Variants in ANO4 observed in about 807,000 individuals in gnomAD.
ANO4 encodes the protein anoctamin 4.
In ANO4, 69 loss-of-function variants were observed where a neutral mutation model predicts 141.9. The ratio of observed to expected loss-of-function variants is 0.49; its 90% CI spans 0.40 to 0.59. The LOEUF is 0.59. Among genes scored for constraint, ANO4 ranks in the 20% least tolerant of loss-of-function variants. The pLI, the probability that ANO4 is intolerant of heterozygous loss-of-function variation, is 0.00. For synonymous variants in ANO4, 350 were observed against 394.3 expected, an observed-to-expected ratio of 0.89 and a Z score of 1.33; for missense variants, 894 against 1,162.2, an observed-to-expected ratio of 0.77 and a Z score of 3.36.
chr12:100,996,757 A>T (rs1300227341), intron 8 of ANO4, among the ~76,000 whole-genome samples: 1 of 152,148 alleles, frequency 6.6e-6, no homozygotes, highest in African/African-American at 2.4e-5. Flanking sequence ...ATTCTCTGAG[A>T]TTCTCTGTAA....
At chr12:100,812,206 T>C (rs2035483155) in intron 1 of ANO4, among the ~76,000 whole-genome samples, 1 of 152,202 alleles carries the variant, frequency 6.6e-6, no homozygotes, top group Non-Finnish European at 1.5e-5. Context: ...TAGAACTGGG[T>C]TTTGCATTTT....
rs549595074 is a variant in ANO4, at chr12:100,821,046, G to A, written c.-141+26019G>A. Among the ~76,000 whole-genome samples the A allele has an allele frequency of 5.9e-4, 89 of 152,118 alleles. 1 individual carries two copies. In the South Asian group the frequency reaches 0.017, roughly 30 times the overall value. On this transcript the variant is annotated intron_variant, in intron 1 of 27. Transcript: ENST00000392977. ...GGCCAGCACACTTTTGAATGAAACCGCTGATGGTTGTCGAAACTAAAGGGA... is the reference window on the plus strand; with the variant it reads ...GGCCAGCACACTTTTGAATGAAACCACTGATGGTTGTCGAAACTAAAGGGA...
intron 1 of ANO4, among the ~76,000 whole-genome samples, chr12:100,824,098 G>A (rs2036202926): frequency 6.6e-6 from 1 of 151,970 alleles, no homozygotes; most frequent in Non-Finnish European, 1.5e-5. Context: ...TAAAAATTAA[G>A]CCTGGGAGAT....
intron 7 of ANO4, among the ~76,000 whole-genome samples, chr12:100,986,886 A>T (rs979719724): frequency 2.0e-5 from 3 of 152,128 alleles, no homozygotes; most frequent in African/African-American, 7.2e-5. Context: ...CACTTTTAGG[A>T]TACTGTTGTT....
At chr12:101,056,526 A>G (rs1487779981) in intron 14 of ANO4, among the ~76,000 whole-genome samples, 1 of 152,160 alleles carries the variant, frequency 6.6e-6, no homozygotes, top group Admixed American at 6.5e-5. Context: ...TAGATGATTA[A>G]GAAATTTATA....
intron 3 of ANO4, among the ~76,000 whole-genome samples, chr12:100,776,794 C>T (rs191197926): frequency 6.6e-6 from 1 of 152,278 alleles, no homozygotes; most frequent in East Asian, 1.9e-4. Context: ...CAAAGACTTC[C>T]TTCTCTTTTG....
At chr12:101,076,783 C>G (rs1183498480) in intron 14 of ANO4, among the ~76,000 whole-genome samples, 1 of 152,162 alleles carries the variant, frequency 6.6e-6, no homozygotes, top group African/African-American at 2.4e-5. Flanking sequence ...CCACTTGTCT[C>G]TTCAAGAACA....
At chr12:101,111,413 C>A in intron 23 of ANO4, 150 bp from the exon 24 acceptor site, 1 of 693,622 alleles carries the variant, frequency 1.4e-6, no homozygotes, top group Non-Finnish European at 2.3e-6. Context: ...AAGTTGTTTG[C>A]ACAAATCTTT....
At chr12:101,058,305 A>G (rs917113261) in intron 14 of ANO4, among the ~76,000 whole-genome samples, 1 of 152,064 alleles carries the variant, frequency 6.6e-6, no homozygotes, top group African/African-American at 2.4e-5. Context: ...TGATGCCTCC[A>G]GCTTTGTTCT....
intron 3 of ANO4, among the ~76,000 whole-genome samples, chr12:100,768,880 T>C (rs1417768836): frequency 6.6e-6 from 1 of 152,216 alleles, no homozygotes; most frequent in Non-Finnish European, 1.5e-5. Context: ...ATCACAATTC[T>C]GTTTTTATAA....
intron 22 of ANO4, among the ~76,000 whole-genome samples, chr12:101,103,568 A>G (rs1401321828): frequency 6.6e-6 from 1 of 151,868 alleles, no homozygotes; most frequent in Non-Finnish European, 1.5e-5. Flanking sequence ...TTGTTAAACT[A>G]ACCTAGCAAA....
intron 24 of ANO4, among the ~76,000 whole-genome samples, chr12:101,116,095 G>A (rs2050839837): frequency 6.6e-6 from 1 of 152,154 alleles, no homozygotes; most frequent in African/African-American, 2.4e-5. Context: ...CTTCCTAGTA[G>A]GAGTGGTGTT....
intron 14 of ANO4, among the ~76,000 whole-genome samples, chr12:101,050,612 A>G (rs1333046010): frequency 1.3e-5 from 2 of 152,258 alleles, no homozygotes; most frequent in Admixed American, 6.5e-5. Context: ...AGTATTATAA[A>G]TACTAAATGT....
intron 1 of ANO4, among the ~76,000 whole-genome samples, chr12:100,826,295 A>G (rs2036334713): frequency 4.4e-5 from 2 of 45,490 alleles, no homozygotes; most frequent in African/African-American, 2.0e-4. Flanking sequence ...GAATTGAGAA[A>G]AAAAGATGGA....
At chr12:100,785,779 G>C (rs1239559331) in intron 3 of ANO4, among the ~76,000 whole-genome samples, 1 of 152,166 alleles carries the variant, frequency 6.6e-6, no homozygotes, top group East Asian at 1.9e-4. Flanking sequence ...ATGATTGCTG[G>C]ATCGTAAGGT....
intron 3 of ANO4, among the ~76,000 whole-genome samples, chr12:100,932,402 C>T (rs775576718): frequency 9.9e-5 from 15 of 151,030 alleles, no homozygotes; most frequent in Admixed American, 4.0e-4. Context: ...GATTCCCAAA[C>T]TTTGTTCTCT....
chr12:100,758,947 A>G (rs902690450), intron 3 of ANO4, among the ~76,000 whole-genome samples: 1 of 152,130 alleles, frequency 6.6e-6, no homozygotes, highest in East Asian at 1.9e-4. Flanking sequence ...AACACCTGTC[A>G]TTGGACTTAA....
At chr12:100,805,251 G>A (rs1340974693) in intron 1 of ANO4, among the ~76,000 whole-genome samples, 1 of 152,110 alleles carries the variant, frequency 6.6e-6, no homozygotes, top group East Asian at 1.9e-4. Flanking sequence ...TCAAAGATCA[G>A]GTGGTTGTAG....
chr12:100,837,652 C>T (rs796530321), intron 1 of ANO4, among the ~76,000 whole-genome samples: 20 of 142,434 alleles, frequency 1.4e-4, no homozygotes, highest in African/African-American at 5.3e-4. Context: ...CCTGGGAGTT[C>T]AAGATTTCAG....
Sources: gnomAD v4.1 joint callset for allele counts (sites outside exome capture counted in the v4.1 genomes callset) on GRCh38, gnomAD v4.1.1 for gene constraint, MANE v1.5 for transcripts, NCBI Gene and HGNC (gene_info 2026-07-23, HGNC 2026-07-21) for gene names.